Variants in TUBB4A observed in about 807,000 individuals in gnomAD.
TUBB4A encodes the protein tubulin beta-4A chain.
A neutral mutation model predicts 35.1 loss-of-function variants in TUBB4A; 13 were observed. The observed-to-expected ratio is 0.37, with a 90% CI of 0.24 to 0.59. The LOEUF (loss-of-function observed/expected upper bound fraction) is 0.59, where lower values mean the gene tolerates loss of function less well. Among genes scored for constraint, TUBB4A ranks in the 20% least tolerant of loss-of-function variants. The probability of loss-of-function intolerance (pLI) is 0.71; values close to 1 mark genes in which losing one functional copy is unlikely to be tolerated. For missense variants in TUBB4A, 299 were observed against 647.2 expected, an observed-to-expected ratio of 0.46 and a Z score of 5.84; for synonymous variants, 279 against 272.4, an observed-to-expected ratio of 1.02 and a Z score of -0.24.
chr19:6,498,776 C>T (rs531858136), intron 3 of TUBB4A, among the ~76,000 whole-genome samples: 26 of 152,320 alleles, frequency 1.7e-4, no homozygotes, highest in African/African-American at 2.4e-4. Flanking sequence ...TGCAGATTCT[C>T]GGGACTGACA....
chr19:6,494,903 T>A lies in TUBB4A; in HGVS notation c.*261A>T. 1.8e-6 allele frequency: 1 copy of A among 562,844 alleles called. No individual in the cohort carries two copies. The highest frequency in any genetic ancestry group is 3.2e-6 in the Non-Finnish European group (1 of 316,816). 34.9% of individuals were successfully genotyped at this position (562,844 alleles called of 1,614,324 possible). ...AAAGTTAAAGGTGCGGTTTCCAGAG[T>A]CAGAAGGGGTGAAGCGGGGCTCCTC... is the stretch of plus-strand genomic sequence containing the variant. On this transcript the variant is annotated 3_prime_UTR_variant, in exon 4 of 4. Coordinates refer to ENST00000264071, the MANE Select transcript of TUBB4A (RefSeq NM_006087.4).
At position 6,494,715 on chromosome 19, in the gene TUBB4A, G is replaced by C. The variant is rs1914031622; in HGVS notation, c.*449C>G. Reference sequence around the variant, plus strand: ...AGTTGGGGTCAGAGGTAGGAGCTGGGGCTCAGGTGGGGGGTTAAAGGTGAG... The same window carrying C: ...AGTTGGGGTCAGAGGTAGGAGCTGGCGCTCAGGTGGGGGGTTAAAGGTGAG... On this transcript the variant is annotated 3_prime_UTR_variant, in exon 4 of 4. Transcript: ENST00000264071. 9.9e-6 allele frequency: 2 copies of C among 202,532 alleles called. No homozygotes were observed. Among genetic ancestry groups the C allele is most frequent in the African/African-American group, 4.7e-5 (2 of 42,836 alleles). The allele number at this position is 202,532 out of a possible 1,614,324, so 12.5% of individuals were successfully genotyped here.
At chr19:6,497,256 CATT>C (rs1362623875) in intron 3 of TUBB4A, among the ~76,000 whole-genome samples, 1 of 150,650 alleles carries the variant, frequency 6.6e-6, no homozygotes, top group Non-Finnish European at 1.5e-5. Context: ...TATTTAACAT[CATT>C]ATTAATAATA....
In TUBB4A at chr19:6,502,256, C is replaced by T. The variant is rs1413066978; in HGVS notation, c.-44G>A. On this transcript the variant is annotated 5_prime_UTR_variant, in exon 1 of 4. Transcript: ENST00000264071. ...GGACGCGGCGGCGGTGGCACGAGCG[C>T]GGGGAGCTGCGGCGGCGGCGAGGGT... The T allele has an allele frequency of 4.7e-6, 7 of 1,480,150 alleles. No individual in the cohort carries two copies. The highest frequency in any genetic ancestry group is 5.3e-6 in the Non-Finnish European group (6 of 1,123,882). The allele number at this position is 1,480,150 out of a possible 1,614,324, so 91.7% of individuals were successfully genotyped here. A position where few individuals can be genotyped will look rare whatever the true frequency, so the allele number is the denominator to read the frequency against.
intron 3 of TUBB4A, 124 bp from the exon 4 acceptor site, chr19:6,496,345 A>C: frequency 1.1e-5 from 11 of 957,240 alleles, no homozygotes; most frequent in South Asian, 1.7e-5. Flanking sequence ...AATAATAACA[A>C]ATAGCCGGGT....
chr19:6,496,349 G>A, intron 3 of TUBB4A, 128 bp from the exon 4 acceptor site: 1 of 945,898 alleles, frequency 1.1e-6, no homozygotes, highest in South Asian at 1.7e-5. Flanking sequence ...ATAACAAATA[G>A]CCGGGTGCGG....
In TUBB4A at chr19:6,495,878, G is replaced by A. The variant is rs749381811; in HGVS notation, c.621C>T (p.Leu207=). Residue 207 remains leucine (L), a synonymous_variant, in exon 4 of 4, where the codon CTC becomes CTT. Coordinates refer to ENST00000264071, the MANE Select transcript of TUBB4A (RefSeq NM_006087.4). This position sits in a 1 kb window ranked among gnomAD's most constrained non-coding sequence, Gnocchi z 8.7. ...DETYCIDNEA[L]YDICFRTLKL... ...TGAGGGTGCGGAAACAGATGTCGTA[G>A]AGTGCCTCGTTGTCGATGCAGTAGG... The A allele has an allele frequency of 3.1e-6, 5 of 1,614,252 alleles. No individual in the cohort carries two copies. In the South Asian group the frequency reaches 5.5e-5, roughly 18 times the overall value.
intron 3 of TUBB4A, among the ~76,000 whole-genome samples, chr19:6,500,120 A>G (rs952317518): frequency 1.3e-5 from 2 of 151,698 alleles, no homozygotes; most frequent in African/African-American, 4.8e-5. Context: ...AGCATTTTAG[A>G]ATCCCTGTTT....
At chr19:6,497,024 AATATATATATATATATATATAT>A (rs1192524805) in intron 3 of TUBB4A, among the ~76,000 whole-genome samples, 276 of 21,998 alleles carry the variant, frequency 0.013, 9 homozygotes, top group African/African-American at 0.042. Context: ...AAAAAAAAAA[AATATATATATATATATATATAT>A]ATATATATAT....
chr19:6,498,224 A>AAG (rs397732813), intron 3 of TUBB4A, among the ~76,000 whole-genome samples: 1 of 150,888 alleles, frequency 6.6e-6, no homozygotes, highest in Non-Finnish European at 1.5e-5. Flanking sequence ...AAAAAAAAAA[A>AAG]TGGAATAAAA....
upstream of TUBB4A, chr19:6,502,311 G>T: frequency 7.5e-7 from 1 of 1,331,640 alleles, no homozygotes; most frequent in Non-Finnish European, 9.8e-7. Context: ...GCGGAGCACG[G>T]TCCCTGCGCC....
intron 3 of TUBB4A, 130 bp from the exon 4 acceptor site, chr19:6,496,351 C>T (rs1033389845): frequency 1.9e-5 from 18 of 936,310 alleles, no homozygotes; most frequent in Non-Finnish European, 2.3e-5. Context: ...AACAAATAGC[C>T]GGGTGCGGTG....
intron 3 of TUBB4A, among the ~76,000 whole-genome samples, chr19:6,499,517 G>C (rs1914430057): frequency 1.3e-5 from 2 of 152,202 alleles, no homozygotes; most frequent in Non-Finnish European, 2.9e-5. Flanking sequence ...GGGAGTATTG[G>C]AGGCGGGTGG....
Position 6,495,569 on chromosome 19 carries a change from G to A in TUBB4A, c.930C>T (p.Tyr310=), listed in dbSNP as rs775775230. 6.8e-6 allele frequency: 11 copies of A among 1,613,994 alleles called. No homozygotes were observed. Among genetic ancestry groups the A allele is most frequent in the African/African-American group, 2.7e-5 (2 of 75,044 alleles). The stretch of plus-strand genomic sequence containing the variant: ...CCCGGAACACGGCGGCCACGGTCAG[G>A]TAGCGGCCGTGGCGCGGGTCGCACG... ...MAACDPRHGR[Y]LTVAAVFRGR... Residue 310 remains tyrosine (Y), a synonymous_variant, in exon 4 of 4, where the codon TAC becomes TAT. Transcript: ENST00000264071. The surrounding 1 kb of genome is among the most constrained non-coding windows in gnomAD (Gnocchi z 8.7).
intron 3 of TUBB4A, among the ~76,000 whole-genome samples, chr19:6,497,345 T>G (rs1397872584): frequency 6.6e-6 from 1 of 151,682 alleles, no homozygotes; most frequent in African/African-American, 2.4e-5. Flanking sequence ...CACTGCAGCC[T>G]TGACTTCCCA....
chr19:6,498,194 G>A (rs1490994394), intron 3 of TUBB4A, among the ~76,000 whole-genome samples: 1 of 137,996 alleles, frequency 7.2e-6, no homozygotes, highest in Non-Finnish European at 1.5e-5. Context: ...CTGGGCGACA[G>A]AGTGAGACTT....
intron 3 of TUBB4A, among the ~76,000 whole-genome samples, chr19:6,500,244 T>C (rs1914469139): frequency 6.6e-6 from 1 of 152,160 alleles, no homozygotes; most frequent in South Asian, 2.1e-4. Context: ...TTCTCCTACC[T>C]TAGCCTCACG....
In TUBB4A at chr19:6,501,762, C is replaced by T. The variant is rs1372371494; in HGVS notation, c.58-139G>A. On this transcript the variant is annotated intron_variant, in intron 1 of 3. Transcript: ENST00000264071. This position sits in a 1 kb window ranked among gnomAD's most constrained non-coding sequence, Gnocchi z 4.2. ...AACGGGGGACCTAGAGGCATGGTGT[C>T]GGGGCGAGGATGAGGCAGCAAGAAG... is the stretch of plus-strand genomic sequence containing the variant. 1.4e-6 allele frequency: 1 copy of T among 691,274 alleles called. No homozygotes were observed. Among genetic ancestry groups the T allele is most frequent in the South Asian group, 1.8e-5 (1 of 55,038 alleles). 42.8% of individuals were successfully genotyped at this position (691,274 alleles called of 1,614,324 possible). A position where few individuals can be genotyped will look rare whatever the true frequency, so the allele number is the denominator to read the frequency against.
chr19:6,500,081 G>A (rs541004053), intron 3 of TUBB4A, among the ~76,000 whole-genome samples: 36 of 151,860 alleles, frequency 2.4e-4, no homozygotes, highest in African/African-American at 6.8e-4. Context: ...GTGAGCCACC[G>A]TGCCCACCCT....
Sources: gnomAD v4.1 joint callset for allele counts (sites outside exome capture counted in the v4.1 genomes callset) on GRCh38, gnomAD v4.1.1 for gene constraint, Gnocchi (gnomAD v3.1) non-coding constraint, MANE v1.5 for transcripts, NCBI Gene and HGNC (gene_info 2026-07-23, HGNC 2026-07-21) for gene names.